The following ACADM variants were observed in gnomAD, a reference collection of about 807,000 sequenced individuals.
ACADM encodes the protein acyl-CoA dehydrogenase medium chain.
In ACADM, 49 loss-of-function variants were observed where a neutral mutation model predicts 58.9. The observed-to-expected ratio is 0.83, with a 90% confidence interval of 0.66 to 1.06. The LOEUF (loss-of-function observed/expected upper bound fraction) is 1.06, where lower values mean the gene tolerates loss of function less well. Ranked by LOEUF, ACADM falls within the 50% of genes least tolerant of loss-of-function variation. The probability of loss-of-function intolerance (pLI) is 0.00; values close to 1 mark genes in which losing one functional copy is unlikely to be tolerated. For missense variants in ACADM, 496 were observed against 507.0 expected (o/e 0.98, Z 0.21); for synonymous variants, 160 against 157.7 (o/e 1.01, Z -0.11).
At chr1:75,731,061 C>G (rs1015541798) in intron 2 of ACADM, among the ~76,000 whole-genome samples, 1 of 151,318 alleles carries the variant, frequency 6.6e-6, no homozygotes, top group Non-Finnish European at 1.5e-5. Context: ...CCGAGGTGGG[C>G]GGATCACGAG....
At chr1:75,748,243 A>G (rs1422718776) in intron 8 of ACADM, among the ~76,000 whole-genome samples, 4 of 152,226 alleles carry the variant, frequency 2.6e-5, no homozygotes, top group Non-Finnish European at 5.9e-5. Flanking sequence ...TGAATCTATT[A>G]TAGATGAAGG....
intron 11 of ACADM, 127 bp from the exon 12 acceptor site, chr1:75,762,565 A>T (rs1411040670): frequency 1.6e-6 from 1 of 633,472 alleles, no homozygotes; most frequent in East Asian, 2.9e-5. Context: ...TAGAGGCTAC[A>T]GACCCTATAT....
intron 7 of ACADM, among the ~76,000 whole-genome samples, chr1:75,740,951 TA>T (rs1647533953): frequency 6.6e-6 from 1 of 152,220 alleles, no homozygotes; most frequent in South Asian, 2.1e-4. Flanking sequence ...CAAATATTAT[TA>T]CACAGAAAGA....
At chr1:75,756,540 C>T (rs1255339128) in intron 10 of ACADM, among the ~76,000 whole-genome samples, 1 of 152,116 alleles carries the variant, frequency 6.6e-6, no homozygotes. Context: ...AACCACAAAC[C>T]ACCACTCAAT....
chr1:75,731,239 A>G (rs1647143679), intron 2 of ACADM, among the ~76,000 whole-genome samples: 1 of 130,882 alleles, frequency 7.6e-6, no homozygotes, highest in African/African-American at 2.9e-5. Context: ...AGATTGCGCC[A>G]CTGCACTCCA....
intron 8 of ACADM, among the ~76,000 whole-genome samples, chr1:75,748,329 G>A (rs556482769): frequency 2.0e-5 from 3 of 152,286 alleles, no homozygotes; most frequent in Admixed American, 2.0e-4. Flanking sequence ...TTGAGGGAAT[G>A]TAGCTAGTTT....
intron 8 of ACADM, among the ~76,000 whole-genome samples, chr1:75,748,794 G>T (rs923854755): frequency 3.9e-5 from 6 of 152,132 alleles, no homozygotes; most frequent in Non-Finnish European, 5.9e-5. Context: ...TGAGCATGGT[G>T]GTGGTTACAC....
chr1:75,733,324 T>G, intron 4 of ACADM: 1 of 1,103,756 alleles, frequency 9.1e-7, no homozygotes, highest in Non-Finnish European at 1.3e-6. Context: ...AAATTACAAA[T>G]AGTAAAATAA....
At chr1:75,754,043 A>G (rs1179054617) in intron 10 of ACADM, among the ~76,000 whole-genome samples, 1 of 144,648 alleles carries the variant, frequency 6.9e-6, no homozygotes, top group Non-Finnish European at 1.5e-5. Flanking sequence ...TAATCCGCCC[A>G]TCTTGGTCTC....
At chr1:75,731,166 C>A (rs1045956884) in intron 2 of ACADM, among the ~76,000 whole-genome samples, 8 of 149,812 alleles carry the variant, frequency 5.3e-5, no homozygotes, top group Non-Finnish European at 1.2e-4. Context: ...GTAGTCCCAG[C>A]TGCTCAGGAG....
chr1:75,729,263 A>ATTTTTC (rs1246726747), intron 2 of ACADM, among the ~76,000 whole-genome samples: 104 of 115,238 alleles, frequency 9.0e-4, no homozygotes, highest in African/African-American at 3.4e-3. Flanking sequence ...ATTTAATGAA[A>ATTTTTC]TTTTTCTTTT....
At chr1:75,736,242 T>TA (rs1294714377) in intron 6 of ACADM, among the ~76,000 whole-genome samples, 1 of 151,718 alleles carries the variant, frequency 6.6e-6, no homozygotes, top group Non-Finnish European at 1.5e-5. Flanking sequence ...TAAGGATTTT[T>TA]ACTTCTTGTT....
rs768440594 is a variant in ACADM at position 75,761,198 on chromosome 1, C to G, written c.1022C>G (p.Ala341Gly). 1.1e-5 allele frequency: 17 copies of G among 1,614,096 alleles called. No individual in the cohort carries two copies. The Admixed American group carries it at 2.8e-4, about 27-fold the overall frequency. Residue 341 changes from alanine to glycine, a missense_variant, in exon 11 of 12, where the codon GCT (alanine) becomes GGT (glycine). Physicochemically the swap from Ala to Gly is moderately conservative, Grantham distance 60. Transcript: ENST00000370841. The part of the protein sequence containing the change: ...ELARMSYQRA[A>G]WEVDSGRRNT... ...GCTAGAATGAGTTACCAGAGAGCAG[C>G]TTGGGAGGTTGATTCTGGTCGTCGA...
chr1:75,724,733 A>T lies in ACADM; in HGVS notation c.-55A>T. 1 of 1,540,520 alleles carries T rather than the reference A, an allele frequency of 6.5e-7. No individual in the cohort carries two copies. The highest frequency in any genetic ancestry group is 1.2e-5 in the South Asian group (1 of 83,214). ...CAGAGGAGTCCCGCGTTCGGGGAGT[A>T]TGTCAAGGCCGTGACCCGTGTATTA... On this transcript the variant is annotated 5_prime_UTR_variant, in exon 1 of 12. An upstream start codon of the reference 5' UTR is lost. Coordinates refer to ENST00000370841, the MANE Select transcript of ACADM (RefSeq NM_000016.6).
rs1400150313 is a variant in ACADM, at chr1:75,762,820, G to GA, written c.*63dup. On this transcript the variant is annotated 3_prime_UTR_variant, in exon 12 of 12. Transcript: ENST00000370841. The stretch of plus-strand genomic sequence containing the variant: ...AACACAAGCCACTGTTTCAGCTCCA[G>GA]AAAAAAGAAAGGGCTTTAACGTTTT... 97 of 1,120,650 alleles carry GA rather than the reference G, an allele frequency of 8.7e-5. No individual in the cohort carries two copies. Among genetic ancestry groups the GA allele is most frequent in the East Asian group, 1.2e-4 (5 of 41,472 alleles). 69.4% of individuals were successfully genotyped at this position (1,120,650 alleles called of 1,614,324 possible).
At chr1:75,759,091 C>T (rs1489647627) in intron 10 of ACADM, among the ~76,000 whole-genome samples, 2 of 152,098 alleles carry the variant, frequency 1.3e-5, no homozygotes, top group African/African-American at 2.4e-5. Context: ...CTGGACACAT[C>T]TGAAGGAACA....
At chr1:75,762,568 C>A (rs1472755600) in intron 11 of ACADM, 124 bp from the exon 12 acceptor site, 3 of 668,032 alleles carry the variant, frequency 4.5e-6, no homozygotes, top group African/African-American at 1.8e-5. Context: ...AGGCTACAGA[C>A]CCTATATATG....
chr1:75,761,683 A>C (rs1174663815), intron 11 of ACADM: 1 of 309,232 alleles, frequency 3.2e-6, no homozygotes, highest in Non-Finnish European at 6.1e-6. Context: ...TATGCATGTC[A>C]TTTAAAATTA....
intron 7 of ACADM, chr1:75,744,495 T>TC: frequency 2.0e-6 from 3 of 1,537,828 alleles, no homozygotes; most frequent in Non-Finnish European, 2.7e-6. Context: ...CAACTGTGTC[T>TC]CCAACAGCTT....
Sources: gnomAD v4.1 joint callset for allele counts (sites outside exome capture counted in the v4.1 genomes callset) on GRCh38, gnomAD v4.1.1 for gene constraint, MANE v1.5 for transcripts, NCBI Gene and HGNC (gene_info 2026-07-23, HGNC 2026-07-21) for gene names.